GPM6A: variants seen among roughly 807,000 people sequenced by gnomAD.
GPM6A encodes the protein glycoprotein M6A, also known as neuronal membrane glycoprotein M6-a.
A neutral mutation model predicts 32.1 loss-of-function variants in GPM6A; 7 were observed. The ratio of observed to expected loss-of-function variants is 0.22; its 90% CI spans 0.12 to 0.41. GPM6A has a LOEUF of 0.41. Among genes scored for constraint, GPM6A ranks in the 10% least tolerant of loss-of-function variants. The pLI is 1.00. For synonymous variants in GPM6A, 130 were observed against 123.4 expected, an observed-to-expected ratio of 1.05 and a Z score of -0.35; for missense variants, 235 against 347.2, an observed-to-expected ratio of 0.68 and a Z score of 2.57.
At chr4:175,851,217 T>G (rs1001016727) in intron 1 of GPM6A, among the ~76,000 whole-genome samples, 1 of 150,862 alleles carries the variant, frequency 6.6e-6, no homozygotes, top group Non-Finnish European at 1.5e-5. Context: ...ATTAGCTGGG[T>G]GTGGTGGCGG....
chr4:175,812,324 T>TTTTG (rs1734962362), upstream of GPM6A: 1 of 1,394,664 alleles, frequency 7.2e-7, no homozygotes, highest in African/African-American at 1.6e-5. Context: ...TTTTTTTTTT[T>TTTTG]TTTTTTTTTT....
chr4:175,724,041 CA>C (rs1746277052), intron 1 of GPM6A, among the ~76,000 whole-genome samples: 1 of 152,098 alleles, frequency 6.6e-6, no homozygotes, highest in Non-Finnish European at 1.5e-5. Flanking sequence ...TTATTCACAG[CA>C]ACCAAGATAT....
At chr4:175,803,453 C>A (rs2111309633) in intron 1 of GPM6A, among the ~76,000 whole-genome samples, 1 of 152,036 alleles carries the variant, frequency 6.6e-6, no homozygotes. Context: ...GCTTGGTCAC[C>A]TTTTTAAATG....
chr4:175,940,195 T>C (rs1739362190), intron 1 of GPM6A, among the ~76,000 whole-genome samples: 1 of 152,062 alleles, frequency 6.6e-6, no homozygotes, highest in Admixed American at 6.6e-5. Context: ...TTTTTGAAAA[T>C]GTGTGTATCT....
At chr4:175,886,445 A>G (rs1737458418) in intron 1 of GPM6A, among the ~76,000 whole-genome samples, 2 of 152,042 alleles carry the variant, frequency 1.3e-5, no homozygotes, top group African/African-American at 4.8e-5. Context: ...ACATTTATAG[A>G]CTAACCAACC....
intron 4 of GPM6A, among the ~76,000 whole-genome samples, chr4:175,645,380 C>T (rs1342532014): frequency 6.6e-6 from 1 of 152,130 alleles, no homozygotes; most frequent in Non-Finnish European, 1.5e-5. Flanking sequence ...ACCTTTGGTG[C>T]TTACTGGACA....
At chr4:175,676,053 C>T (rs935213273) in intron 2 of GPM6A, among the ~76,000 whole-genome samples, 4 of 152,018 alleles carry the variant, frequency 2.6e-5, no homozygotes, top group East Asian at 1.9e-4. Flanking sequence ...AGTGAGTTCT[C>T]GTGAGATCTG....
intron 1 of GPM6A, among the ~76,000 whole-genome samples, chr4:175,842,309 G>T (rs1735961928): frequency 6.6e-6 from 1 of 152,068 alleles, no homozygotes; most frequent in Admixed American, 6.6e-5. Flanking sequence ...TTTTAAAGGT[G>T]TTACTATGTA....
At chr4:175,962,223 G>T (rs1425068603) in intron 1 of GPM6A, 1 of 1,302,978 alleles carries the variant, frequency 7.7e-7, no homozygotes, top group East Asian at 2.3e-5. Flanking sequence ...CATGATGGTG[G>T]AACAAGAGAA....
chr4:175,765,125 C>T (rs557221299), intron 1 of GPM6A, among the ~76,000 whole-genome samples: 18 of 152,062 alleles, frequency 1.2e-4, no homozygotes, highest in Non-Finnish European at 2.1e-4. Context: ...CCACCCACCT[C>T]GGCCCCCACA....
At chr4:175,915,651 T>C (rs561585254) in intron 1 of GPM6A, among the ~76,000 whole-genome samples, 2 of 152,076 alleles carry the variant, frequency 1.3e-5, no homozygotes, top group South Asian at 4.2e-4. Flanking sequence ...GTAATAAAAA[T>C]GATCAACAAA....
At chr4:175,678,412 T>C (rs1484785757) in intron 2 of GPM6A, among the ~76,000 whole-genome samples, 5 of 152,174 alleles carry the variant, frequency 3.3e-5, no homozygotes, top group South Asian at 2.1e-4. Context: ...AGGGGTGGCA[T>C]TAAGTGATGG....
chr4:175,833,420 T>C (rs1399706555), intron 1 of GPM6A, among the ~76,000 whole-genome samples: 1 of 152,186 alleles, frequency 6.6e-6, no homozygotes, highest in African/African-American at 2.4e-5. Context: ...CCGTTTGTTT[T>C]GTTATGTTTT....
At chr4:175,980,359 A>AAAAAC (rs1427941583) in intron 1 of GPM6A, among the ~76,000 whole-genome samples, 3 of 152,232 alleles carry the variant, frequency 2.0e-5, no homozygotes, top group Non-Finnish European at 4.4e-5. Context: ...CCTGTCTCAA[A>AAAAAC]AAAACAAAAC....
At chr4:175,642,560 C>T (rs1244730346) in intron 4 of GPM6A, among the ~76,000 whole-genome samples, 2 of 152,158 alleles carry the variant, frequency 1.3e-5, no homozygotes, top group African/African-American at 4.8e-5. Context: ...CAGTATTAAA[C>T]ACAGTTGATG....
intron 1 of GPM6A, among the ~76,000 whole-genome samples, chr4:175,851,367 C>T (rs1331751775): frequency 3.9e-5 from 6 of 151,954 alleles, no homozygotes; most frequent in African/African-American, 9.7e-5. Context: ...CGCCAGTAAT[C>T]CCAGCTACTC....
At chr4:175,779,436 C>T (rs919489817) in intron 1 of GPM6A, among the ~76,000 whole-genome samples, 1 of 152,102 alleles carries the variant, frequency 6.6e-6, no homozygotes, top group Non-Finnish European at 1.5e-5. Context: ...GCTATATTGT[C>T]AATATTGAAT....
chr4:175,774,256 T>G (rs17606641), intron 1 of GPM6A, among the ~76,000 whole-genome samples: 3,066 of 152,190 alleles, frequency 0.02, 56 homozygotes, highest in Non-Finnish European at 0.031. Flanking sequence ...TTTTGTTTCT[T>G]TCTTCCGAAC....
At chr4:175,838,731 C>T (rs959158372) in intron 1 of GPM6A, among the ~76,000 whole-genome samples, 1 of 144,188 alleles carries the variant, frequency 6.9e-6, no homozygotes, top group African/African-American at 2.6e-5. Flanking sequence ...TTCGGCTCAC[C>T]AGAACCTTTA....
Sources: allele counts gnomAD v4.1 joint callset (sites outside exome capture counted in the v4.1 genomes callset), GRCh38; gene constraint gnomAD v4.1.1; transcripts MANE v1.5; gene names NCBI Gene and HGNC (gene_info 2026-07-23, HGNC 2026-07-21).